The following PTPRT variants were observed in gnomAD, a reference collection of about 807,000 sequenced individuals.
PTPRT encodes receptor-type tyrosine-protein phosphatase T.
A neutral mutation model predicts 176.8 loss-of-function variants in PTPRT; 56 were observed. The ratio of observed to expected loss-of-function variants is 0.32; its 90% confidence interval spans 0.26 to 0.40. The LOEUF is 0.40. Ranked by LOEUF, PTPRT falls within the 10% of genes least tolerant of loss-of-function variation. The pLI is 1.00. For synonymous variants in PTPRT, 783 were observed against 739.0 expected, an observed-to-expected ratio of 1.06 and a Z score of -0.96; for missense variants, 1,540 against 1,908.2, an observed-to-expected ratio of 0.81 and a Z score of 3.60.
At chr20:43,016,905 T>C (rs976921463) in intron 1 of PTPRT, among the ~76,000 whole-genome samples, 8 of 152,188 alleles carry the variant, frequency 5.3e-5, no homozygotes, top group African/African-American at 1.9e-4. Flanking sequence ...CTCTTTCTCC[T>C]GATTTCACTG....
chr20:42,752,619 C>T (rs1207212538), intron 6 of PTPRT, among the ~76,000 whole-genome samples: 1 of 152,258 alleles, frequency 6.6e-6, no homozygotes, highest in Admixed American at 6.5e-5. Flanking sequence ...TAACACAGCA[C>T]TTGGCCCTTG....
chr20:42,867,683 C>CCTT (rs375104628), intron 2 of PTPRT, among the ~76,000 whole-genome samples: 1 of 113,404 alleles, frequency 8.8e-6, no homozygotes, highest in Admixed American at 9.8e-5. Flanking sequence ...TACATATGGC[C>CCTT]TTTTTTTTTT....
intron 1 of PTPRT, among the ~76,000 whole-genome samples, chr20:43,163,648 C>G (rs1355201752): frequency 1.4e-5 from 2 of 138,290 alleles, no homozygotes; most frequent in Non-Finnish European, 3.2e-5. Flanking sequence ...AAAAACAAAA[C>G]AAAACAAAAA....
rs1176737157 is a variant in PTPRT, at chr20:42,166,094, C to T, written c.2492-4552G>A. ...TACAGCACATTTCAATTCAGACTGG[C>T]CATATTTCCAGGATTCAACAGACAC... is the stretch of plus-strand genomic sequence containing the variant. On this transcript the variant is annotated intron_variant, in intron 16 of 30. Transcript: ENST00000373187. 2.6e-5 allele frequency among the ~76,000 whole-genome samples: 4 copies of T among 152,234 alleles called. No individual in the cohort carries two copies. The East Asian group carries it at 7.7e-4, about 29-fold the overall frequency.
intron 7 of PTPRT, among the ~76,000 whole-genome samples, chr20:42,584,343 C>T (rs531769476): frequency 6.6e-6 from 1 of 152,296 alleles, no homozygotes; most frequent in South Asian, 2.1e-4. Context: ...CCTGCTCCAG[C>T]CCCACTGGCC....
intron 12 of PTPRT, among the ~76,000 whole-genome samples, chr20:42,307,794 C>T (rs1303355725): frequency 6.6e-6 from 1 of 152,090 alleles, no homozygotes; most frequent in Non-Finnish European, 1.5e-5. Flanking sequence ...GCTGTATTCT[C>T]AGGAGGTTAG....
intron 2 of PTPRT, among the ~76,000 whole-genome samples, chr20:42,848,455 C>T (rs2078414315): frequency 6.6e-6 from 1 of 152,134 alleles, no homozygotes; most frequent in Non-Finnish European, 1.5e-5. Flanking sequence ...TAAAGTGTTC[C>T]CTTTTCACCA....
intron 2 of PTPRT, among the ~76,000 whole-genome samples, chr20:42,832,699 A>AG (rs1486567974): frequency 2.8e-5 from 4 of 143,040 alleles, no homozygotes; most frequent in Admixed American, 6.9e-5. Context: ...GAATACAGAA[A>AG]GAAAAAAAAA....
At chr20:43,029,538 C>T (rs561323404) in intron 1 of PTPRT, among the ~76,000 whole-genome samples, 1 of 152,316 alleles carries the variant, frequency 6.6e-6, no homozygotes, top group Admixed American at 6.5e-5. Context: ...GCAGTTAGAT[C>T]GGGGTATCAC....
chr20:42,321,191 C>T (rs4635580), intron 11 of PTPRT, among the ~76,000 whole-genome samples: 12,042 of 152,166 alleles, frequency 0.079, 625 homozygotes, highest in East Asian at 0.23. Context: ...CAAGTGAGGG[C>T]AGTGAACAGT....
At chr20:42,574,830 T>C (rs998959606) in intron 7 of PTPRT, among the ~76,000 whole-genome samples, 5 of 152,132 alleles carry the variant, frequency 3.3e-5, no homozygotes, top group African/African-American at 1.2e-4. Flanking sequence ...GTTCTCATGA[T>C]AGTGAGTTCT....
chr20:42,737,364 C>T lies in PTPRT; in HGVS notation c.859+19098G>A, dbSNP rs369963507. ...AAGAGGCATGGGCTGGGCATGGTGG[C>T]TCACGCCTGTAATCCCAGCATTTTG... On this transcript the variant is annotated intron_variant, in intron 6 of 30. Coordinates refer to ENST00000373187, the MANE Select transcript of PTPRT (RefSeq NM_007050.6). 1.5e-4 allele frequency among the ~76,000 whole-genome samples: 23 copies of T among 152,138 alleles called. No individual in the cohort carries two copies. In the East Asian group the frequency reaches 2.9e-3, roughly 19 times the overall value.
intron 9 of PTPRT, among the ~76,000 whole-genome samples, chr20:42,354,025 G>T (rs990020925): frequency 3.9e-5 from 6 of 151,922 alleles, no homozygotes; most frequent in African/African-American, 1.2e-4. Context: ...CTGCACTTTA[G>T]CCTGGGTGAG....
intron 7 of PTPRT, among the ~76,000 whole-genome samples, chr20:42,570,559 G>C (rs1245833734): frequency 2.6e-5 from 4 of 152,112 alleles, no homozygotes; most frequent in African/African-American, 9.7e-5. Flanking sequence ...CCTACATTTA[G>C]ATGTCTCCAG....
intron 6 of PTPRT, among the ~76,000 whole-genome samples, chr20:42,743,091 G>A (rs2076636326): frequency 6.6e-6 from 1 of 152,150 alleles, no homozygotes; most frequent in African/African-American, 2.4e-5. Flanking sequence ...CAAAGAGGAG[G>A]CTTTCCCTCA....
intron 2 of PTPRT, among the ~76,000 whole-genome samples, chr20:42,823,374 C>A (rs753410559): frequency 2.6e-5 from 4 of 151,912 alleles, no homozygotes; most frequent in Non-Finnish European, 4.4e-5. Context: ...ATAACACACA[C>A]CAGGGCCTGT....
Position 42,446,621 on chromosome 20 carries a change from T to TGTGTGTGTGA in PTPRT, c.1560+1598_1560+1599insTCACACACAC, listed in dbSNP as rs1491165117. 8.3e-3 allele frequency among the ~76,000 whole-genome samples: 1,080 copies of TGTGTGTGTGA among 130,082 alleles called. 10 individuals are homozygous for TGTGTGTGTGA. Among genetic ancestry groups the TGTGTGTGTGA allele is most frequent in the African/African-American group, 0.021 (745 of 35,366 alleles). The allele number at this position is 130,082 out of a possible 152,430, so 85.3% of individuals were successfully genotyped here. The stretch of plus-strand genomic sequence containing the variant: ...GTGTGTGTGTGTGTGTGTGTGTGTG[T>TGTGTGTGTGA]GAGAGAGAGAGAGAGATTGTGGTTT... On this transcript the variant is annotated intron_variant, in intron 9 of 30. Transcript: ENST00000373187.
intron 18 of PTPRT, 38 bp from the exon 19 acceptor site, chr20:42,128,868 G>C (rs1987989821): frequency 6.5e-7 from 1 of 1,546,134 alleles, no homozygotes; most frequent in African/African-American, 1.4e-5. Context: ...TGGTTGATAA[G>C]AGGCCTTACG....
At chr20:42,391,450 T>C (rs2058798458) in intron 9 of PTPRT, among the ~76,000 whole-genome samples, 2 of 152,150 alleles carry the variant, frequency 1.3e-5, no homozygotes, top group African/African-American at 4.8e-5. Flanking sequence ...CCATAGCCAA[T>C]GTCCTGGCGG....
Sources: gnomAD v4.1 joint callset for allele counts (sites outside exome capture counted in the v4.1 genomes callset) on GRCh38, gnomAD v4.1.1 for gene constraint, MANE v1.5 for transcripts, NCBI Gene and HGNC (gene_info 2026-07-23, HGNC 2026-07-21) for gene names.